DHFR2: variants seen among roughly 807,000 people sequenced by gnomAD.
The protein encoded by DHFR2 is dihydrofolate reductase 2, mitochondrial.
In DHFR2, 11 loss-of-function variants were observed where a neutral mutation model predicts 12.0. The observed-to-expected ratio is 0.92, with a 90% confidence interval of 0.58 to 1.52. DHFR2 has a LOEUF of 1.52. Ranked by LOEUF, DHFR2 falls within the 40% of genes most tolerant of loss-of-function variation. The pLI, the probability that DHFR2 is intolerant of heterozygous loss-of-function variation, is 0.00. For synonymous variants in DHFR2, 87 were observed against 79.6 expected (o/e 1.09, Z -0.49); for missense variants, 188 against 221.2 (o/e 0.85, Z 0.95).
In DHFR2 at chr3:94,061,061, C is replaced by T; in HGVS notation, c.451G>A (p.Glu151Lys). The T allele has an allele frequency of 6.2e-7, 1 of 1,613,838 alleles. No homozygotes were observed. Reference sequence around the variant, plus strand: ...AGTTTATATTTCTCCAAGTCAATTTCTGAAAAAAACGTGTCACTTTCAAAG... The same window carrying T: ...AGTTTATATTTCTCCAAGTCAATTTTTGAAAAAAACGTGTCACTTTCAAAG... ...QDFESDTFFS[E>K]IDLEKYKLLP... Residue 151 changes from glutamate (E) to lysine (K), a missense_variant, in exon 2 of 2, where the codon GAA becomes AAA. Coordinates refer to ENST00000314636, the MANE Select transcript of DHFR2 (RefSeq NM_176815.5).
Position 94,061,048 on chromosome 3 carries a change from T to A in DHFR2, c.464A>T (p.Glu155Val). 1 of 1,613,948 alleles carries A rather than the reference T, an allele frequency of 6.2e-7. No homozygotes were observed. Among genetic ancestry groups the A allele is most frequent in the Non-Finnish European group, 8.5e-7 (1 of 1,179,872 alleles). ...GTATTCAGGCAGAAGTTTATATTTCTCCAAGTCAATTTCTGAAAAAAACGT... is the reference window on the plus strand; with the variant it reads ...GTATTCAGGCAGAAGTTTATATTTCACCAAGTCAATTTCTGAAAAAAACGT... ...SDTFFSEIDL[E>V]KYKLLPEYPG... Residue 155 changes from glutamate (E) to valine (V), a missense_variant, in exon 2 of 2, where the codon GAG (glutamate) becomes GTG (valine). Coordinates refer to ENST00000314636, the MANE Select transcript of DHFR2 (RefSeq NM_176815.5).
At chr3:94,061,723 AAT>A (rs1192674529) in intron 1 of DHFR2, 117 bp from the exon 2 acceptor site, 1 of 679,316 alleles carries the variant, frequency 1.5e-6, no homozygotes, top group African/African-American at 2.0e-5. Flanking sequence ...ATATTTATAA[AAT>A]ATAAATTTAT....
intron 1 of DHFR2, 137 bp from the exon 2 acceptor site, chr3:94,061,743 T>TA: frequency 1.6e-6 from 1 of 630,682 alleles, no homozygotes. Context: ...TATAAAATTA[T>TA]AAAAAATACA....
rs2077151522 is a variant in DHFR2 at position 94,058,070 on chromosome 3, ATTCT to A, written c.*2874_*2877del. 1 of 152,164 alleles carries A rather than the reference ATTCT, an allele frequency of 6.6e-6. No homozygotes were observed. The highest frequency in any genetic ancestry group is 1.5e-5 in the Non-Finnish European group (1 of 68,020). The allele number at this position is 152,164 out of a possible 1,614,324, so 9.4% of individuals were successfully genotyped here. ...CTATGATTCTTATTACAGTCTTAAA[ATTCT>A]TTTTTTAATGAATGAGTGTAACTTT... On this transcript the variant is annotated 3_prime_UTR_variant, in exon 2 of 2. Coordinates refer to ENST00000314636, the MANE Select transcript of DHFR2 (RefSeq NM_176815.5).
chr3:94,062,150 T>C (rs970027913), intron 1 of DHFR2, among the ~76,000 whole-genome samples: 12 of 152,186 alleles, frequency 7.9e-5, no homozygotes, highest in African/African-American at 2.7e-4. Flanking sequence ...CGTGTCAAAA[T>C]AGGTGTAATA....
rs1455886491 is a variant in DHFR2 at position 94,060,487 on chromosome 3, A to C, written c.*461T>G. 6.2e-6 allele frequency: 1 copy of C among 161,560 alleles called. No individual in the cohort carries two copies. Among genetic ancestry groups the C allele is most frequent in the Non-Finnish European group, 1.4e-5 (1 of 73,616 alleles). 10.0% of individuals were successfully genotyped at this position (161,560 alleles called of 1,614,324 possible). ...ACAGAAATATATTCATTTTCCCATC[A>C]CTGGACTTCCAGGTTGTTTTCAGTT... On this transcript the variant is annotated 3_prime_UTR_variant, in exon 2 of 2. Coordinates refer to ENST00000314636, the MANE Select transcript of DHFR2 (RefSeq NM_176815.5).
rs1242293820 is a variant in DHFR2, at chr3:94,058,496, T to A, written c.*2452A>T. On this transcript the variant is annotated 3_prime_UTR_variant, in exon 2 of 2. Coordinates refer to ENST00000314636, the MANE Select transcript of DHFR2 (RefSeq NM_176815.5). Reference sequence around the variant, plus strand: ...TACATTATATAGTGATTTCTTGATATGACAGATGAGGATTTAGCTCTTACA... The same window carrying A: ...TACATTATATAGTGATTTCTTGATAAGACAGATGAGGATTTAGCTCTTACA... 6.6e-6 allele frequency: 1 copy of A among 152,192 alleles called. No individual in the cohort carries two copies. Among genetic ancestry groups the A allele is most frequent in the Non-Finnish European group, 1.5e-5 (1 of 68,032 alleles). 9.4% of individuals were successfully genotyped at this position (152,192 alleles called of 1,614,324 possible).
Position 94,061,455 on chromosome 3 carries a change from C to T in DHFR2, c.57G>A (p.Lys19=). Residue 19 remains lysine (K), a synonymous_variant, in exon 2 of 2, where the codon AAG becomes AAA. Coordinates refer to ENST00000314636, the MANE Select transcript of DHFR2 (RefSeq NM_176815.5). ...GCGGCGGCCTGGGCAGGTCCCCGTT[C>T]TTGCCGATGCCCATGTTTTGGGACA... is the stretch of plus-strand genomic sequence containing the variant. ...VAVSQNMGIG[K]NGDLPRPPLR... is the part of the protein sequence containing the mutation. The T allele has an allele frequency of 6.2e-7, 1 of 1,614,200 alleles. No homozygotes were observed. The highest frequency in any genetic ancestry group is 8.5e-7 in the Non-Finnish European group (1 of 1,180,044).
At chr3:94,063,036 T>C, upstream of DHFR2, 1 of 1,416,722 alleles carries the variant, frequency 7.1e-7, no homozygotes, top group Non-Finnish European at 1.0e-6. Flanking sequence ...TGCCCGCGAA[T>C]CCCGGAAGTC....
At position 94,060,785 on chromosome 3, in the gene DHFR2, TAAATGGTATCTG is replaced by T; in HGVS notation, c.*151_*162del. ...AGACAGTTATAGCAAGAATGTTTCA[TAAATGGTATCTG>T]ATATAGCCAAGATTAGTGAGGAATA... is the stretch of plus-strand genomic sequence containing the variant. On this transcript the variant is annotated 3_prime_UTR_variant, in exon 2 of 2. Coordinates refer to ENST00000314636, the MANE Select transcript of DHFR2 (RefSeq NM_176815.5). The T allele has an allele frequency of 1.2e-6, 1 of 804,928 alleles. No homozygotes were observed. The highest frequency in any genetic ancestry group is 1.9e-6 in the Non-Finnish European group (1 of 522,050). The allele number at this position is 804,928 out of a possible 1,614,324, so 49.9% of individuals were successfully genotyped here. A position where few individuals can be genotyped will look rare whatever the true frequency, so the allele number is the denominator to read the frequency against.
In DHFR2 at chr3:94,060,889, A is replaced by C; in HGVS notation, c.*59T>G. 1 of 1,560,902 alleles carries C rather than the reference A, an allele frequency of 6.4e-7. No individual in the cohort carries two copies. The highest frequency in any genetic ancestry group is 8.7e-7 in the Non-Finnish European group (1 of 1,152,692). ...CAACAAAAGTCCCTTTTCTAATGTA[A>C]AAATGCATACTTTTCTCAGAGGGAG... is the stretch of plus-strand genomic sequence containing the variant. On this transcript the variant is annotated 3_prime_UTR_variant, in exon 2 of 2. Transcript: ENST00000314636.
Position 94,062,772 on chromosome 3 carries a change from C to A in DHFR2, c.-122G>T, listed in dbSNP as rs1300593783. On this transcript the variant is annotated 5_prime_UTR_variant, in exon 1 of 2. Coordinates refer to ENST00000314636, the MANE Select transcript of DHFR2 (RefSeq NM_176815.5). ...TCAGCATCCGCAGAAGCAGGGGCCG[C>A]ACAGGCGCGCAGATGTGTGACTTTC... The A allele has an allele frequency of 1.7e-5, 5 of 288,298 alleles. No homozygotes were observed. Among genetic ancestry groups the A allele is most frequent in the African/African-American group, 1.1e-4 (5 of 46,796 alleles). The allele number at this position is 288,298 out of a possible 1,614,324, so 17.9% of individuals were successfully genotyped here. A position where few individuals can be genotyped will look rare whatever the true frequency, so the allele number is the denominator to read the frequency against.
Position 94,062,906 on chromosome 3 carries a change from C to T in DHFR2, c.-256G>A. The T allele has an allele frequency of 5.3e-6, 3 of 562,022 alleles. No individual in the cohort carries two copies. Among genetic ancestry groups the T allele is most frequent in the Non-Finnish European group, 9.6e-6 (3 of 311,528 alleles). 34.8% of individuals were successfully genotyped at this position (562,022 alleles called of 1,614,324 possible). On this transcript the variant is annotated 5_prime_UTR_variant, in exon 1 of 2. Transcript: ENST00000314636. ...GGAAGTATCAGCCTTTACCAGCTAC[C>T]GGAAGTAACTGCGCACGAAATCTCC... is the stretch of plus-strand genomic sequence containing the variant.
rs1057433924 is a variant in DHFR2 at position 94,061,565 on chromosome 3, A to G, written c.-54T>C. The G allele has an allele frequency of 1.2e-6, 2 of 1,604,784 alleles. No homozygotes were observed. The highest frequency in any genetic ancestry group is 2.7e-5 in the African/African-American group (2 of 74,510). On this transcript the variant is annotated 5_prime_UTR_variant, in exon 2 of 2. Coordinates refer to ENST00000314636, the MANE Select transcript of DHFR2 (RefSeq NM_176815.5). ...GCTGGCTACGCCAGGAAGCCAGGCC[A>G]AGAATGCCGCGAAATTCCCTTCTTC... is the stretch of plus-strand genomic sequence containing the variant.
chr3:94,060,720 C>T lies in DHFR2; in HGVS notation c.*228G>A, dbSNP rs1252472762. 8 of 558,022 alleles carry T rather than the reference C, an allele frequency of 1.4e-5. No individual in the cohort carries two copies. The African/African-American group carries it at 1.5e-4, about 10-fold the overall frequency. The allele number at this position is 558,022 out of a possible 1,614,324, so 34.6% of individuals were successfully genotyped here. A position where few individuals can be genotyped will look rare whatever the true frequency, so the allele number is the denominator to read the frequency against. ...ATGTGATGGGTGTGGAATGGCAGCT[C>T]ACTGTAGCAGGTGCTGGGGACTCAG... On this transcript the variant is annotated 3_prime_UTR_variant, in exon 2 of 2. Transcript: ENST00000314636.
In DHFR2 at chr3:94,060,703, G is replaced by A; in HGVS notation, c.*245C>T. 1.9e-6 allele frequency: 1 copy of A among 530,394 alleles called. No individual in the cohort carries two copies. The highest frequency in any genetic ancestry group is 2.4e-5 in the South Asian group (1 of 41,842). 32.9% of individuals were successfully genotyped at this position (530,394 alleles called of 1,614,324 possible). On this transcript the variant is annotated 3_prime_UTR_variant, in exon 2 of 2. Transcript: ENST00000314636. ...AGTGGCAAGAGTGCCACATGTGATGGGTGTGGAATGGCAGCTCACTGTAGC... is the reference window on the plus strand; with the variant it reads ...AGTGGCAAGAGTGCCACATGTGATGAGTGTGGAATGGCAGCTCACTGTAGC...
In DHFR2 at chr3:94,062,906, C is replaced by G. The variant is rs1206809365; in HGVS notation, c.-256G>C. On this transcript the variant is annotated 5_prime_UTR_variant, in exon 1 of 2. Coordinates refer to ENST00000314636, the MANE Select transcript of DHFR2 (RefSeq NM_176815.5). ...GGAAGTATCAGCCTTTACCAGCTAC[C>G]GGAAGTAACTGCGCACGAAATCTCC... is the stretch of plus-strand genomic sequence containing the variant. 2 of 561,904 alleles carry G rather than the reference C, an allele frequency of 3.6e-6. No homozygotes were observed. Among genetic ancestry groups the G allele is most frequent in the East Asian group, 2.9e-5 (1 of 34,866 alleles). The allele number at this position is 561,904 out of a possible 1,614,324, so 34.8% of individuals were successfully genotyped here.
At chr3:94,063,113 C>T, upstream of DHFR2, 1 of 1,614,054 alleles carries the variant, frequency 6.2e-7, no homozygotes, top group Admixed American at 1.7e-5. Context: ...TGTTTGAAAG[C>T]TCTCAGCGGG....
Position 94,060,762 on chromosome 3 carries a change from A to T in DHFR2, c.*186T>A. The stretch of plus-strand genomic sequence containing the variant: ...GGGACTCAGTCGGGGTCTTGGAGAG[A>T]CAGTTATAGCAAGAATGTTTCATAA... On this transcript the variant is annotated 3_prime_UTR_variant, in exon 2 of 2. Transcript: ENST00000314636. 1.4e-6 allele frequency: 1 copy of T among 706,456 alleles called. No individual in the cohort carries two copies. Among genetic ancestry groups the T allele is most frequent in the Non-Finnish European group, 2.3e-6 (1 of 437,730 alleles). 43.8% of individuals were successfully genotyped at this position (706,456 alleles called of 1,614,324 possible).
Sources: allele counts gnomAD v4.1 joint callset (sites outside exome capture counted in the v4.1 genomes callset), GRCh38; gene constraint gnomAD v4.1.1; transcripts MANE v1.5; gene names NCBI Gene and HGNC (gene_info 2026-07-23, HGNC 2026-07-21).